STARD13: variants seen among roughly 807,000 people sequenced by gnomAD.
The protein encoded by STARD13 is StAR related lipid transfer domain containing 13.
In STARD13, 62 loss-of-function variants were observed where a neutral mutation model predicts 106.4. The observed-to-expected ratio is 0.58, with a 90% CI of 0.48 to 0.72. STARD13 has a LOEUF of 0.72. Among genes scored for constraint, STARD13 ranks in the 30% least tolerant of loss-of-function variants. STARD13 has a pLI of 0.00. For missense variants in STARD13, 1,387 were observed against 1,424.0 expected (o/e 0.97, Z 0.42); for synonymous variants, 565 against 553.0 (o/e 1.02, Z -0.31).
chr13:33,662,258 T>C, the STARD13 span, among the ~76,000 whole-genome samples: 4 of 134,886 alleles, frequency 3.0e-5, no homozygotes, highest in Non-Finnish European at 4.5e-5. Context: ...CAAGACCCCG[T>C]CTCAAAAAAA....
the STARD13 span, among the ~76,000 whole-genome samples, chr13:33,361,108 AT>A: frequency 4.0e-5 from 6 of 149,934 alleles, no homozygotes; most frequent in Admixed American, 4.0e-4. Flanking sequence ...CCTGGCCTGG[AT>A]TTTTTTTCAA....
At chr13:33,557,572 T>C in the STARD13 span, among the ~76,000 whole-genome samples, 7 of 152,186 alleles carry the variant, frequency 4.6e-5, no homozygotes, top group Non-Finnish European at 8.8e-5. Context: ...AGGACAGTAA[T>C]TGTATCTTAT....
the STARD13 span, among the ~76,000 whole-genome samples, chr13:33,427,693 C>T: frequency 5.3e-3 from 813 of 152,272 alleles, 3 homozygotes; most frequent in Non-Finnish European, 9.4e-3. Context: ...TGGTGCCTCA[C>T]GCCTGTAATC....
At position 33,130,418 on chromosome 13, in the gene STARD13, G is replaced by C; in HGVS notation, c.388-129C>G. 1.2e-6 allele frequency: 1 copy of C among 832,890 alleles called. No homozygotes were observed. The highest frequency in any genetic ancestry group is 1.9e-6 in the Non-Finnish European group (1 of 538,004). 51.6% of individuals were successfully genotyped at this position (832,890 alleles called of 1,614,324 possible). ...TCTGTCCTCCCATGCACAGGTGTGA[G>C]CTTCTTGGGCACCTCTAAGCTGTCC... On this transcript the variant is annotated intron_variant, in intron 4 of 13. Transcript: ENST00000336934. This position sits in a 1 kb window ranked among gnomAD's most constrained non-coding sequence, Gnocchi z 4.1.
At chr13:33,335,270 C>A (rs931246238) in intron 1 of STARD13, 1 of 152,156 alleles carries the variant, frequency 6.6e-6, no homozygotes, top group South Asian at 2.1e-4. Flanking sequence ...AGCTGTAATG[C>A]GCTAGAGAAA....
intron 1 of STARD13, among the ~76,000 whole-genome samples, chr13:33,265,000 T>C (rs925904870): frequency 6.6e-6 from 1 of 152,270 alleles, no homozygotes; most frequent in African/African-American, 2.4e-5. Context: ...AATAGCAGAA[T>C]GTGTGCAGGG....
chr13:33,452,262 G>A, the STARD13 span, among the ~76,000 whole-genome samples: 1 of 151,948 alleles, frequency 6.6e-6, no homozygotes, highest in Non-Finnish European at 1.5e-5. Flanking sequence ...TAGTTGCGGG[G>A]CACACATGGG....
chr13:33,123,788 G>T (rs1876725690), intron 7 of STARD13, among the ~76,000 whole-genome samples: 1 of 152,230 alleles, frequency 6.6e-6, no homozygotes, highest in Non-Finnish European at 1.5e-5. Flanking sequence ...CAACTGCAAT[G>T]AGTGCTTATA....
the STARD13 span, among the ~76,000 whole-genome samples, chr13:33,626,437 T>G: frequency 2.6e-5 from 4 of 152,194 alleles, no homozygotes; most frequent in Non-Finnish European, 4.4e-5. Context: ...ACCTCCAATA[T>G]TTGAGAAAAT....
the STARD13 span, among the ~76,000 whole-genome samples, chr13:33,417,434 G>T: frequency 6.6e-6 from 1 of 152,142 alleles, no homozygotes; most frequent in African/African-American, 2.4e-5. Flanking sequence ...ATACCCACAA[G>T]AAATAGAAAC....
the STARD13 span, among the ~76,000 whole-genome samples, chr13:33,611,990 A>G: frequency 1.4e-4 from 21 of 152,222 alleles, no homozygotes; most frequent in Admixed American, 1.4e-3. Flanking sequence ...GGAAGAGAAC[A>G]CAAAAGGAAT....
chr13:33,319,300 A>G (rs1893461375), intron 1 of STARD13, among the ~76,000 whole-genome samples: 1 of 152,204 alleles, frequency 6.6e-6, no homozygotes, highest in Non-Finnish European at 1.5e-5. Flanking sequence ...ACCAAAGGCC[A>G]CCTATTTTAT....
At chr13:33,560,682 T>C in the STARD13 span, among the ~76,000 whole-genome samples, 2 of 151,568 alleles carry the variant, frequency 1.3e-5, no homozygotes, top group African/African-American at 4.9e-5. Context: ...CCACAAGCTA[T>C]CCACCATTTT....
In STARD13 at chr13:33,145,555, G is replaced by T. The variant is rs961178891; in HGVS notation, c.324-3182C>A. On this transcript the variant is annotated intron_variant, in intron 3 of 13. Coordinates refer to ENST00000336934, the MANE Select transcript of STARD13 (RefSeq NM_178006.4). ...TATAATTTTTTTTTTGCTGTAAAAAGATTTGTACTTGAATGTTCATAGCAG... is the reference window on the plus strand; with the variant it reads ...TATAATTTTTTTTTTGCTGTAAAAATATTTGTACTTGAATGTTCATAGCAG... 2.6e-5 allele frequency among the ~76,000 whole-genome samples: 4 copies of T among 151,898 alleles called. No homozygotes were observed. The South Asian group carries it at 6.2e-4, about 24-fold the overall frequency.
At chr13:33,205,757 T>C (rs968203590) in intron 1 of STARD13, 1 of 679,520 alleles carries the variant, frequency 1.5e-6, no homozygotes, top group African/African-American at 2.0e-5. Flanking sequence ...ACAATCTACA[T>C]AGGAAGTAAC....
chr13:33,364,172 AC>A, the STARD13 span, among the ~76,000 whole-genome samples: 2 of 152,058 alleles, frequency 1.3e-5, no homozygotes, highest in African/African-American at 4.8e-5. Flanking sequence ...TCATAGATTA[AC>A]CCCTTCCCTC....
upstream of STARD13, among the ~76,000 whole-genome samples, chr13:33,286,722 A>C (rs74045791): frequency 1.3e-5 from 2 of 152,080 alleles, no homozygotes; most frequent in Non-Finnish European, 1.5e-5. Context: ...AATGGGGGGA[A>C]TTCTGATAGG....
intron 1 of STARD13, among the ~76,000 whole-genome samples, chr13:33,317,137 T>G (rs1893371576): frequency 6.6e-6 from 1 of 152,172 alleles, no homozygotes. Flanking sequence ...CTGGGTGATC[T>G]CATACATTCC....
the STARD13 span, among the ~76,000 whole-genome samples, chr13:33,405,962 G>A: frequency 1.3e-5 from 2 of 152,276 alleles, no homozygotes; most frequent in Admixed American, 6.5e-5. Flanking sequence ...TTTGTGTGTC[G>A]TCTTGTTTAA....
Sources: gnomAD v4.1 joint callset for allele counts (sites outside exome capture counted in the v4.1 genomes callset) on GRCh38, gnomAD v4.1.1 for gene constraint, Gnocchi (gnomAD v3.1) non-coding constraint, MANE v1.5 for transcripts, NCBI Gene and HGNC (gene_info 2026-07-23, HGNC 2026-07-21) for gene names.